C7: variants seen among roughly 807,000 people sequenced by gnomAD.
C7 encodes complement C7, also known as complement component C7.
Under a neutral mutation model 104.8 loss-of-function variants are expected in C7, and 83 were observed. That is an observed-to-expected ratio of 0.79 (90% confidence interval 0.66 to 0.95). The LOEUF (loss-of-function observed/expected upper bound fraction) is 0.95. Among genes scored for constraint, C7 ranks in the 40% least tolerant of loss-of-function variants. C7 has a pLI of 0.00. For synonymous variants in C7, 415 were observed against 360.6 expected, an observed-to-expected ratio of 1.15 and a Z score of -1.71; for missense variants, 1,070 against 1,011.2, an observed-to-expected ratio of 1.06 and a Z score of -0.79.
At chr5:40,912,756 G>C (rs1358802757) in intron 1 of C7, among the ~76,000 whole-genome samples, 1 of 152,086 alleles carries the variant, frequency 6.6e-6, no homozygotes, top group Non-Finnish European at 1.5e-5. Context: ...AAGTACTCAA[G>C]ATTTTTTGAA....
In C7 at chr5:40,912,133, T is replaced by C. The variant is rs1227710911; in HGVS notation, c.6+2517T>C. ...CTGTCATTCACATGATTTATTTGTG[T>C]TTGTTCTATCTCTCTTGTTCATTTA... On this transcript the variant is annotated intron_variant, in intron 1 of 17. Transcript: ENST00000313164. Among the ~76,000 whole-genome samples, 7 of 152,298 alleles carry C rather than the reference T, an allele frequency of 4.6e-5. No individual in the cohort carries two copies. The East Asian group carries it at 9.6e-4, about 21-fold the overall frequency.
chr5:40,920,913 G>A (rs1739424870), intron 1 of C7, among the ~76,000 whole-genome samples: 1 of 152,118 alleles, frequency 6.6e-6, no homozygotes, highest in Non-Finnish European at 1.5e-5. Context: ...ACTGGGCGTG[G>A]TGGTGCACGC....
intron 1 of C7, among the ~76,000 whole-genome samples, chr5:40,922,374 CAAAAAAAA>C (rs869109946): frequency 2.1e-4 from 9 of 43,072 alleles, no homozygotes; most frequent in African/African-American, 4.6e-4. Flanking sequence ...GACTCTGTCT[CAAAAAAAA>C]AAAAAAAAAA....
In C7 at chr5:40,984,485, C is replaced by A. The variant is rs78106100; in HGVS notation, c.*2912C>A. On this transcript the variant is annotated 3_prime_UTR_variant, in exon 18 of 18. Coordinates refer to ENST00000313164, the MANE Select transcript of C7 (RefSeq NM_000587.4). ...GTTGTTTTGTAACTGCTAAGAGCTG[C>A]AAGTGCTGAGCAGCTGGTTTATACA... Among the ~76,000 whole-genome samples, 3,372 of 152,290 alleles carry A rather than the reference C, an allele frequency of 0.022. 109 individuals carry two copies. The highest frequency in any genetic ancestry group is 0.077 in the African/African-American group (3,214 of 41,548).
intron 6 of C7, among the ~76,000 whole-genome samples, chr5:40,944,584 T>C (rs1049889918): frequency 2.6e-5 from 4 of 152,216 alleles, no homozygotes; most frequent in Non-Finnish European, 1.5e-5. Flanking sequence ...AAATGAATGA[T>C]TGTCTCTTCA....
chr5:40,936,377 C>G lies in C7; in HGVS notation c.320C>G (p.Ser107Cys). The change falls in exon 5 of 18, where the codon TCT becomes TGT. Residue 107 changes from serine (S) to cysteine (C), a missense_variant. Physicochemically the swap from Ser to Cys is moderately radical, Grantham distance 112. Transcript: ENST00000313164. Reference protein sequence around the residue: ...ISKSLVCNGDSDCDEDSADED... With the variant: ...ISKSLVCNGDCDCDEDSADED... Reference sequence around the variant, plus strand: ...AAATCATTGGTTTGCAATGGGGATTCTGACTGTGATGAAGACAGTGCTGAT... The same window carrying G: ...AAATCATTGGTTTGCAATGGGGATTGTGACTGTGATGAAGACAGTGCTGAT... 1 of 1,613,318 alleles carries G rather than the reference C, an allele frequency of 6.2e-7. No individual in the cohort carries two copies. Among genetic ancestry groups the G allele is most frequent in the Non-Finnish European group, 8.5e-7 (1 of 1,179,470 alleles).
intron 3 of C7, among the ~76,000 whole-genome samples, chr5:40,932,288 G>T (rs1459496720): frequency 6.6e-6 from 1 of 151,602 alleles, no homozygotes; most frequent in Non-Finnish European, 1.5e-5. Context: ...CTTTTTTATT[G>T]TTTGATATTT....
chr5:40,971,287 G>T (rs764428146), intron 14 of C7, among the ~76,000 whole-genome samples: 1 of 152,166 alleles, frequency 6.6e-6, no homozygotes, highest in East Asian at 1.9e-4. Context: ...TCTAACTGGC[G>T]TGAGATGGTA....
At chr5:40,977,850 A>C (rs1740851659) in intron 16 of C7, among the ~76,000 whole-genome samples, 1 of 152,098 alleles carries the variant, frequency 6.6e-6, no homozygotes, top group Admixed American at 6.5e-5. Context: ...AAACCAACAC[A>C]TGACCTGGTG....
chr5:40,926,398 T>A (rs1166016569), intron 1 of C7, among the ~76,000 whole-genome samples: 1 of 152,090 alleles, frequency 6.6e-6, no homozygotes, highest in Admixed American at 6.6e-5. Context: ...TTCAACATAG[T>A]ATTGGAAATT....
At chr5:40,911,422 G>A (rs1341711682) in intron 1 of C7, among the ~76,000 whole-genome samples, 1 of 152,230 alleles carries the variant, frequency 6.6e-6, no homozygotes, top group Non-Finnish European at 1.5e-5. Context: ...TTGGATCTGA[G>A]GTGTTGGAGA....
At chr5:40,928,503 A>G (rs1739605898) in intron 1 of C7, 77 bp from the exon 2 acceptor site, 1 of 815,858 alleles carries the variant, frequency 1.2e-6, no homozygotes, top group Non-Finnish European at 2.0e-6. Flanking sequence ...ATAAATTTAT[A>G]CAATTATAAA....
Position 40,955,707 on chromosome 5 carries a change from C to T in C7, c.1260+154C>T, listed in dbSNP as rs773638457. Reference sequence around the variant, plus strand: ...TTTTGTAGAGTAAAATGAATGCACACATAATAATAAGAAACAGAAGGTGTG... The same window carrying T: ...TTTTGTAGAGTAAAATGAATGCACATATAATAATAAGAAACAGAAGGTGTG... On this transcript the variant is annotated intron_variant, in intron 10 of 17. Transcript: ENST00000313164. 3.4e-4 allele frequency among the ~76,000 whole-genome samples: 51 copies of T among 152,142 alleles called. 1 individual carries two copies. The highest frequency in any genetic ancestry group is 1.2e-3 in the Admixed American group (19 of 15,266).
Position 40,928,578 on chromosome 5 carries a change from A to T in C7, c.7-2A>T. ...TAATACTTTATTGTTTTTCTTCTCC[A>T]GGTGATAAGCTTATTCATTTTGGTG... On this transcript the variant is annotated splice_acceptor_variant, in intron 1 of 17. Transcript: ENST00000313164. LOFTEE classifies it high-confidence loss of function. 6.7e-7 allele frequency: 1 copy of T among 1,502,872 alleles called. No individual in the cohort carries two copies. Among genetic ancestry groups the T allele is most frequent in the Middle Eastern group, 1.7e-4 (1 of 5,884 alleles). The allele number at this position is 1,502,872 out of a possible 1,614,324, so 93.1% of individuals were successfully genotyped here. A position where few individuals can be genotyped will look rare whatever the true frequency, so the allele number is the denominator to read the frequency against.
At chr5:40,933,982 C>A (rs1486833357) in intron 3 of C7, among the ~76,000 whole-genome samples, 2 of 147,418 alleles carry the variant, frequency 1.4e-5, no homozygotes, top group African/African-American at 5.0e-5. Context: ...ATTGCCCAGG[C>A]TGGAGTGCAG....
At chr5:40,914,430 G>C (rs932083715) in intron 1 of C7, among the ~76,000 whole-genome samples, 3 of 152,138 alleles carry the variant, frequency 2.0e-5, no homozygotes, top group Non-Finnish European at 4.4e-5. Flanking sequence ...TCACGCTGTT[G>C]ATTATTTCTT....
chr5:40,909,520 G>C lies in C7; in HGVS notation c.-91G>C, dbSNP rs1739162409. On this transcript the variant is annotated 5_prime_UTR_variant, in exon 1 of 18. Coordinates refer to ENST00000313164, the MANE Select transcript of C7 (RefSeq NM_000587.4). ...GCAGGGAGAGGCAGAGAGGCAGGCA[G>C]CCTGCTGGGCTCTTCCTGCTGTTGA... 1.1e-6 allele frequency: 1 copy of C among 936,604 alleles called. No individual in the cohort carries two copies. 58.0% of individuals were successfully genotyped at this position (936,604 alleles called of 1,614,324 possible).
At position 40,935,358 on chromosome 5, in the gene C7, TG is replaced by T. The variant is rs558663384; in HGVS notation, c.280+894del. ...CTTACATGTTGACTTCTGGAGTCCCTGGTACATAATAAGTTCTCAACAAATG... is the reference window on the plus strand; with the variant it reads ...CTTACATGTTGACTTCTGGAGTCCCTGTACATAATAAGTTCTCAACAAATG... On this transcript the variant is annotated intron_variant, in intron 4 of 17. Coordinates refer to ENST00000313164, the MANE Select transcript of C7 (RefSeq NM_000587.4). 1.8e-3 allele frequency among the ~76,000 whole-genome samples: 281 copies of T among 152,290 alleles called. 2 individuals are homozygous for T. Among genetic ancestry groups the T allele is most frequent in the African/African-American group, 6.3e-3 (263 of 41,556 alleles).
rs1211061984 is a variant in C7, at chr5:40,934,114, G to A, written c.139-211G>A. Among the ~76,000 whole-genome samples the A allele has an allele frequency of 2.0e-5, 3 of 150,696 alleles. No homozygotes were observed. The East Asian group carries it at 5.9e-4, about 29-fold the overall frequency. On this transcript the variant is annotated intron_variant, in intron 3 of 17. Transcript: ENST00000313164. The stretch of plus-strand genomic sequence containing the variant: ...GCCTGGGAGCTCTCTATAAATAATA[G>A]CCAACATGTTGCTTAACTCAAGGAC...
Sources: gnomAD v4.1 joint callset for allele counts (sites outside exome capture counted in the v4.1 genomes callset) on GRCh38, gnomAD v4.1.1 for gene constraint, MANE v1.5 for transcripts, NCBI Gene and HGNC (gene_info 2026-07-23, HGNC 2026-07-21) for gene names.